Variants in DOCK1 observed in about 807,000 individuals in gnomAD.
DOCK1 encodes dedicator of cytokinesis 1, also known as dedicator of cytokinesis protein 1.
DOCK1 carries 138 observed loss-of-function variants against 262.7 expected under a neutral mutation model. The ratio of observed to expected loss-of-function variants is 0.53; its 90% CI spans 0.46 to 0.61. The LOEUF is 0.61. Ranked by LOEUF, DOCK1 falls within the 20% of genes least tolerant of loss-of-function variation. DOCK1 has a pLI of 0.00. For missense variants in DOCK1, 1,908 were observed against 2,370.7 expected (o/e 0.80, Z 4.05); for synonymous variants, 866 against 867.4 (o/e 1.00, Z 0.03).
chr10:126,991,203 T>G (rs2039760848), intron 6 of DOCK1, among the ~76,000 whole-genome samples: 1 of 152,228 alleles, frequency 6.6e-6, no homozygotes, highest in Non-Finnish European at 1.5e-5. Context: ...GTGCCTTTAG[T>G]GCTCACCCCT....
intron 29 of DOCK1, among the ~76,000 whole-genome samples, chr10:127,286,004 G>T (rs184094772): frequency 3.9e-5 from 6 of 152,096 alleles, no homozygotes; most frequent in Non-Finnish European, 8.8e-5. Context: ...CCTCTGGTTG[G>T]TGATGGTGTC....
At chr10:127,075,499 TA>T (rs1243426739) in intron 23 of DOCK1, among the ~76,000 whole-genome samples, 1 of 152,164 alleles carries the variant, frequency 6.6e-6, no homozygotes, top group African/African-American at 2.4e-5. Context: ...CACACTGCTA[TA>T]AAGAACTACC....
chr10:127,077,343 C>T (rs913262995), intron 23 of DOCK1, among the ~76,000 whole-genome samples: 5 of 151,956 alleles, frequency 3.3e-5, no homozygotes, highest in African/African-American at 4.8e-5. Flanking sequence ...TGCAGTCAGC[C>T]GAGATTGCAC....
rs147009452 is a variant in DOCK1, at chr10:127,287,549, C to T, written c.3044+30120C>T. Among the ~76,000 whole-genome samples the T allele has an allele frequency of 3.0e-3, 462 of 152,252 alleles. 2 individuals carry two copies. The highest frequency in any genetic ancestry group is 0.011 in the African/African-American group (442 of 41,548). On this transcript the variant is annotated intron_variant, in intron 29 of 51. Transcript: ENST00000623213. ...GTTTGTTCAAGTTCTGTAGGAAATT[C>T]CACATTCTGGATTTTGCAGATTGAA... is the stretch of plus-strand genomic sequence containing the variant.
At chr10:126,980,335 G>A (rs369061904) in intron 3 of DOCK1, among the ~76,000 whole-genome samples, 2 of 151,994 alleles carry the variant, frequency 1.3e-5, no homozygotes, top group African/African-American at 4.8e-5. Context: ...GGGACTACAG[G>A]TGCACACCAC....
intron 35 of DOCK1, among the ~76,000 whole-genome samples, chr10:127,377,106 T>C (rs2065539280): frequency 6.6e-6 from 1 of 152,204 alleles, no homozygotes; most frequent in Non-Finnish European, 1.5e-5. Flanking sequence ...TGATGAAAAA[T>C]CAAATGTTCT....
intron 29 of DOCK1, among the ~76,000 whole-genome samples, chr10:127,319,377 C>G (rs1025191066): frequency 6.6e-6 from 1 of 152,200 alleles, no homozygotes. Flanking sequence ...ATATTTTAAT[C>G]TCTGCAATAC....
At chr10:126,937,315 C>T (rs2034618985) in intron 1 of DOCK1, among the ~76,000 whole-genome samples, 1 of 152,174 alleles carries the variant, frequency 6.6e-6, no homozygotes, top group Admixed American at 6.5e-5. Context: ...AATATCTCTT[C>T]AAGACCCTGA....
chr10:127,051,720 C>T (rs1025415192), intron 21 of DOCK1, among the ~76,000 whole-genome samples: 1 of 152,212 alleles, frequency 6.6e-6, no homozygotes, highest in African/African-American at 2.4e-5. Context: ...GTAGCTAGGA[C>T]TACAGCCATA....
At chr10:127,082,790 C>T (rs949675449) in intron 23 of DOCK1, among the ~76,000 whole-genome samples, 8 of 152,174 alleles carry the variant, frequency 5.3e-5, no homozygotes, top group Non-Finnish European at 1.0e-4. Flanking sequence ...GTGCCCCACA[C>T]CTAGCCCTGG....
intron 29 of DOCK1, among the ~76,000 whole-genome samples, chr10:127,286,749 A>T (rs954136667): frequency 6.6e-6 from 1 of 152,170 alleles, no homozygotes; most frequent in African/African-American, 2.4e-5. Context: ...ATGTTGTTTT[A>T]TACATAGTTC....
intron 2 of DOCK1, 60 bp from the exon 3 acceptor site, chr10:126,977,888 T>A: frequency 6.6e-7 from 1 of 1,514,542 alleles, no homozygotes; most frequent in Non-Finnish European, 9.2e-7. Context: ...ATCATGAATG[T>A]ATTGTGAGGA....
At chr10:127,000,124 A>G (rs777940663) in intron 9 of DOCK1, 48 bp from the exon 10 acceptor site, 1 of 1,602,590 alleles carries the variant, frequency 6.2e-7, no homozygotes, top group Non-Finnish European at 8.5e-7. Context: ...TGGAGCTTGC[A>G]TTGAATAATG....
intron 47 of DOCK1, among the ~76,000 whole-genome samples, chr10:127,428,639 T>TTGGGGTGCCGTG: frequency 6.7e-6 from 1 of 150,062 alleles, no homozygotes; most frequent in Non-Finnish European, 1.5e-5. Context: ...GTCATGTGGA[T>TTGGGGTGCCGTG]TGGAGTGCCG....
intron 29 of DOCK1, among the ~76,000 whole-genome samples, chr10:127,291,336 G>A (rs2135367502): frequency 6.6e-6 from 1 of 152,284 alleles, no homozygotes; most frequent in South Asian, 2.1e-4. Context: ...CTCAAAGCAG[G>A]CAGAGAATAT....
chr10:127,028,428 G>C (rs571448335), intron 16 of DOCK1, among the ~76,000 whole-genome samples: 1 of 152,186 alleles, frequency 6.6e-6, no homozygotes, highest in Admixed American at 6.5e-5. Context: ...ATTCGTCCTC[G>C]CAAGATTCCC....
At chr10:127,051,899 A>G (rs752178932) in intron 21 of DOCK1, among the ~76,000 whole-genome samples, 4 of 152,140 alleles carry the variant, frequency 2.6e-5, no homozygotes, top group Non-Finnish European at 4.4e-5. Flanking sequence ...TAATAGTTTT[A>G]AAGTGCAATG....
At chr10:127,301,195 T>C (rs777415169) in intron 29 of DOCK1, among the ~76,000 whole-genome samples, 3 of 152,166 alleles carry the variant, frequency 2.0e-5, no homozygotes, top group Admixed American at 6.5e-5. Flanking sequence ...TCAGTGCCGC[T>C]TGAATACAGG....
intron 13 of DOCK1, 138 bp downstream of exon 13, chr10:127,018,973 G>C: frequency 7.7e-7 from 1 of 1,299,938 alleles, no homozygotes; most frequent in South Asian, 1.5e-5. Context: ...GTAAGCCCCA[G>C]CATGGTTATG....
Sources: gnomAD v4.1 joint callset for allele counts (sites outside exome capture counted in the v4.1 genomes callset) on GRCh38, gnomAD v4.1.1 for gene constraint, MANE v1.5 for transcripts, NCBI Gene and HGNC (gene_info 2026-07-23, HGNC 2026-07-21) for gene names.